IMMP2L: variants seen among roughly 807,000 people sequenced by gnomAD.
The protein encoded by IMMP2L is mitochondrial inner membrane protease subunit 2.
Under a neutral mutation model 19.3 loss-of-function variants are expected in IMMP2L, and 18 were observed. The observed-to-expected ratio is 0.93, with a 90% confidence interval of 0.64 to 1.38. IMMP2L has a LOEUF of 1.38. Ranked by LOEUF, IMMP2L falls within the 40% of genes most tolerant of loss-of-function variation. The pLI is 0.00. For synonymous variants in IMMP2L, 76 were observed against 73.0 expected (o/e 1.04, Z -0.21); for missense variants, 233 against 218.2 (o/e 1.07, Z -0.43).
chr7:110,943,340 C>G (rs1366169509), intron 4 of IMMP2L, among the ~76,000 whole-genome samples: 1 of 151,890 alleles, frequency 6.6e-6, no homozygotes, highest in Non-Finnish European at 1.5e-5. Context: ...AGTGCAAAAC[C>G]AATTCATTTT....
chr7:110,714,822 C>T (rs1449778620), intron 5 of IMMP2L, among the ~76,000 whole-genome samples: 1 of 152,104 alleles, frequency 6.6e-6, no homozygotes. Context: ...GTCTCGAACT[C>T]GACCTTAAGT....
chr7:111,358,845 T>C (rs899399476), intron 3 of IMMP2L, among the ~76,000 whole-genome samples: 9 of 152,046 alleles, frequency 5.9e-5, no homozygotes, highest in South Asian at 2.1e-4. Flanking sequence ...GAAATCAAGA[T>C]AGTAAAGGAA....
At chr7:111,480,284 C>T (rs1035751908) in intron 3 of IMMP2L, among the ~76,000 whole-genome samples, 2 of 151,558 alleles carry the variant, frequency 1.3e-5, no homozygotes, top group African/African-American at 4.8e-5. Flanking sequence ...GGGGTTTCAC[C>T]GTAGCCAGGA....
Position 111,463,177 on chromosome 7 carries a change from G to A in IMMP2L, c.239+24061C>T, listed in dbSNP as rs1004515026. ...CCTATATCTCTTCACATCATCTTCC[G>A]TGTGTGTGTGTGTGTGTGTGTCCCA... On this transcript the variant is annotated intron_variant, in intron 3 of 5. Transcript: ENST00000405709. Among the ~76,000 whole-genome samples the A allele has an allele frequency of 4.4e-5, 6 of 137,920 alleles. No individual in the cohort carries two copies. In the South Asian group the frequency reaches 6.6e-4, roughly 15 times the overall value. The allele number at this position is 137,920 out of a possible 152,430, so 90.5% of individuals were successfully genotyped here.
intron 3 of IMMP2L, among the ~76,000 whole-genome samples, chr7:111,007,499 A>G (rs1824426349): frequency 6.6e-6 from 1 of 152,076 alleles, no homozygotes; most frequent in Non-Finnish European, 1.5e-5. Context: ...CATCAGCTGT[A>G]CCTTCTCAGT....
intron 3 of IMMP2L, among the ~76,000 whole-genome samples, chr7:111,435,352 T>TA (rs1837050326): frequency 6.6e-6 from 1 of 151,824 alleles, no homozygotes; most frequent in South Asian, 2.1e-4. Flanking sequence ...TATGCAGTCA[T>TA]AAAAAAGAAT....
chr7:111,345,472 T>C (rs958098034), intron 3 of IMMP2L, among the ~76,000 whole-genome samples: 3 of 152,112 alleles, frequency 2.0e-5, no homozygotes, highest in Non-Finnish European at 2.9e-5. Flanking sequence ...TGGGGAAATA[T>C]AAAAGACAGC....
chr7:110,813,473 G>A (rs1228023337), intron 5 of IMMP2L, among the ~76,000 whole-genome samples: 1 of 151,134 alleles, frequency 6.6e-6, no homozygotes, highest in Non-Finnish European at 1.5e-5. Flanking sequence ...TGTCAGCCAG[G>A]CTACAGTACA....
intron 3 of IMMP2L, among the ~76,000 whole-genome samples, chr7:110,976,146 T>C (rs1179708187): frequency 6.6e-6 from 1 of 152,024 alleles, no homozygotes. Context: ...TTGCTACATA[T>C]TTGCTTATCT....
At chr7:111,119,961 CTGAGGTTTGAA>C (rs1800387530) in intron 3 of IMMP2L, among the ~76,000 whole-genome samples, 1 of 152,118 alleles carries the variant, frequency 6.6e-6, no homozygotes, top group Admixed American at 6.6e-5. Context: ...GATTCTTGAA[CTGAGGTTTGAA>C]AAGACAGTAA....
chr7:111,290,615 C>A (rs1760854081), intron 3 of IMMP2L, among the ~76,000 whole-genome samples: 2 of 151,826 alleles, frequency 1.3e-5, no homozygotes, highest in Admixed American at 1.3e-4. Context: ...TTCTGTCAAG[C>A]AAGGGAGAAA....
chr7:111,099,727 A>T (rs1423137777), intron 3 of IMMP2L, among the ~76,000 whole-genome samples: 11 of 151,730 alleles, frequency 7.2e-5, no homozygotes, highest in Non-Finnish European at 1.6e-4. Flanking sequence ...AAGCAATTAG[A>T]CAACTAAAAA....
chr7:111,497,553 A>G (rs546627597), intron 2 of IMMP2L, among the ~76,000 whole-genome samples: 35 of 152,180 alleles, frequency 2.3e-4, no homozygotes, highest in Non-Finnish European at 3.7e-4. Context: ...AATGCGACAT[A>G]GAAAAAACAA....
chr7:111,213,587 G>A lies in IMMP2L; in HGVS notation c.240-250022C>T, dbSNP rs1210546422. Among the ~76,000 whole-genome samples the A allele has an allele frequency of 1.3e-5, 2 of 152,104 alleles. No individual in the cohort carries two copies. The highest frequency in any genetic ancestry group is 2.9e-5 in the Non-Finnish European group (2 of 68,020). On this transcript the variant is annotated intron_variant, in intron 3 of 5. Coordinates refer to ENST00000405709, the MANE Select transcript of IMMP2L (RefSeq NM_032549.4). The surrounding 1 kb of genome is among the most constrained non-coding windows in gnomAD (Gnocchi z 4.8). The stretch of plus-strand genomic sequence containing the variant: ...GCCTATGGCCACCCTTGGACAAACT[G>A]GTGCACACTTCCTCCCCTCTGAGGC...
chr7:110,825,906 C>T (rs931322203), intron 5 of IMMP2L, among the ~76,000 whole-genome samples: 1 of 152,144 alleles, frequency 6.6e-6, no homozygotes, highest in Non-Finnish European at 1.5e-5. Context: ...AGGCAACCTA[C>T]AGAATGGGAG....
intron 3 of IMMP2L, among the ~76,000 whole-genome samples, chr7:111,007,325 T>C: frequency 6.6e-6 from 1 of 152,122 alleles, no homozygotes; most frequent in East Asian, 1.9e-4. Context: ...AGATGAAATT[T>C]GGGTGGGGAC....
chr7:111,131,001 A>AT (rs896490122), intron 3 of IMMP2L, among the ~76,000 whole-genome samples: 1 of 151,978 alleles, frequency 6.6e-6, no homozygotes, highest in Non-Finnish European at 1.5e-5. Context: ...TAAATCACTT[A>AT]TTTTTTCAAG....
At chr7:111,494,291 G>A (rs1451164492) in intron 2 of IMMP2L, among the ~76,000 whole-genome samples, 3 of 152,074 alleles carry the variant, frequency 2.0e-5, no homozygotes, top group African/African-American at 7.2e-5. Flanking sequence ...GTGATTTCCA[G>A]TAGCAAAAGG....
chr7:111,502,751 A>G (rs1585391467), intron 2 of IMMP2L, among the ~76,000 whole-genome samples: 2 of 151,526 alleles, frequency 1.3e-5, no homozygotes, highest in Non-Finnish European at 2.9e-5. Context: ...AGGCAGAAAT[A>G]AAGATGTTCT....
Sources: allele counts gnomAD v4.1 joint callset (sites outside exome capture counted in the v4.1 genomes callset), GRCh38; gene constraint gnomAD v4.1.1; non-coding constraint Gnocchi (gnomAD v3.1); transcripts MANE v1.5; gene names NCBI Gene and HGNC (gene_info 2026-07-23, HGNC 2026-07-21).